Variants in PRIM2 observed in about 807,000 individuals in gnomAD.
PRIM2 encodes the protein DNA primase large subunit.
Under a neutral mutation model 67.3 loss-of-function variants are expected in PRIM2, and 39 were observed. The observed-to-expected ratio is 0.58, with a 90% CI of 0.45 to 0.76. The LOEUF is 0.76. Among genes scored for constraint, PRIM2 ranks in the 30% least tolerant of loss-of-function variants. The pLI, the probability that PRIM2 is intolerant of heterozygous loss-of-function variation, is 0.00. For synonymous variants in PRIM2, 143 were observed against 198.7 expected (o/e 0.72, Z 2.36); for missense variants, 398 against 598.7 (o/e 0.66, Z 3.50).
At chr6:57,540,287 A>G (rs1296248535) in intron 10 of PRIM2, among the ~76,000 whole-genome samples, 7 of 152,088 alleles carry the variant, frequency 4.6e-5, no homozygotes, top group Non-Finnish European at 7.4e-5. Flanking sequence ...TCACACACAC[A>G]CACAGCGAGA....
chr6:57,401,927 A>G (rs1324477689), intron 7 of PRIM2, among the ~76,000 whole-genome samples: 1 of 152,220 alleles, frequency 6.6e-6, no homozygotes, highest in Non-Finnish European at 1.5e-5. Flanking sequence ...GTCTGAGGGT[A>G]GCAAGGGCAG....
At chr6:57,407,693 CTG>C (rs1157695265) in intron 7 of PRIM2, among the ~76,000 whole-genome samples, 4 of 152,164 alleles carry the variant, frequency 2.6e-5, no homozygotes, top group African/African-American at 7.2e-5. Flanking sequence ...GAATTTGAAA[CTG>C]TGTATTTTCT....
chr6:57,603,503 C>G (rs1352324866), intron 11 of PRIM2, among the ~76,000 whole-genome samples: 45 of 151,986 alleles, frequency 3.0e-4, no homozygotes, highest in Non-Finnish European at 5.3e-4. Context: ...AGTATGCTGT[C>G]TTATTTCTGA....
the PRIM2 span, among the ~76,000 whole-genome samples, chr6:57,287,724 G>A: frequency 0.97 from 147,105 of 151,858 alleles, 71,280 homozygotes; most frequent in East Asian, 1. Context: ...CTGTATACCT[G>A]TGTAACAAAG....
chr6:57,614,178 C>T (rs1408706644), intron 12 of PRIM2, among the ~76,000 whole-genome samples: 1 of 152,172 alleles, frequency 6.6e-6, no homozygotes, highest in Non-Finnish European at 1.5e-5. Flanking sequence ...GAGCTCAAAC[C>T]TTATTGTGAA....
At chr6:57,473,462 C>A (rs1581939918) in intron 7 of PRIM2, among the ~76,000 whole-genome samples, 1 of 152,010 alleles carries the variant, frequency 6.6e-6, no homozygotes, top group East Asian at 1.9e-4. Context: ...TTAAAAAGTG[C>A]TCTGTTTTCA....
chr6:57,358,588 T>C (rs1769105314), intron 5 of PRIM2, among the ~76,000 whole-genome samples: 1 of 152,222 alleles, frequency 6.6e-6, no homozygotes, highest in Non-Finnish European at 1.5e-5. Context: ...TTCATGTGGG[T>C]TTAACAGTTA....
intron 8 of PRIM2, among the ~76,000 whole-genome samples, chr6:57,516,995 C>A (rs1422206581): frequency 2.5e-4 from 38 of 152,258 alleles, no homozygotes; most frequent in Middle Eastern, 3.4e-3. Context: ...TATCTCCAAC[C>A]AGAGATTGTA....
At chr6:57,435,096 G>A (rs1771970094) in intron 7 of PRIM2, 1 of 152,082 alleles carries the variant, frequency 6.6e-6, no homozygotes, top group Admixed American at 6.6e-5. Flanking sequence ...CCTCTACTCT[G>A]TTCTGAATAA....
chr6:57,599,829 A>G (rs1159743416), intron 10 of PRIM2, among the ~76,000 whole-genome samples: 2 of 152,170 alleles, frequency 1.3e-5, no homozygotes, highest in African/African-American at 4.8e-5. Flanking sequence ...TTTAAATTTA[A>G]TTTTTAATTT....
At chr6:57,500,104 C>A (rs1287195223) in intron 7 of PRIM2, among the ~76,000 whole-genome samples, 8 of 152,204 alleles carry the variant, frequency 5.3e-5, no homozygotes, top group African/African-American at 1.4e-4. Flanking sequence ...CATGTCCTCT[C>A]CATCTTCCCC....
chr6:57,334,591 G>T (rs1176333783), intron 5 of PRIM2, among the ~76,000 whole-genome samples: 5 of 152,144 alleles, frequency 3.3e-5, no homozygotes, highest in African/African-American at 1.2e-4. Flanking sequence ...TTGAGCCCAG[G>T]TGTTGGAGGC....
chr6:57,306,400 G>A, the PRIM2 span, among the ~76,000 whole-genome samples: 4 of 152,070 alleles, frequency 2.6e-5, no homozygotes, highest in Non-Finnish European at 4.4e-5. Flanking sequence ...GGTGACTCCC[G>A]ACCATGTCAT....
chr6:57,340,007 T>G (rs978232210), intron 5 of PRIM2, among the ~76,000 whole-genome samples: 2 of 149,442 alleles, frequency 1.3e-5, no homozygotes, highest in Non-Finnish European at 3.0e-5. Context: ...AACAAATTTA[T>G]GAGGAAAAAA....
intron 7 of PRIM2, among the ~76,000 whole-genome samples, chr6:57,444,034 T>C (rs1339223539): frequency 6.6e-6 from 1 of 152,194 alleles, no homozygotes; most frequent in African/African-American, 2.4e-5. Context: ...CCTTTTCCCA[T>C]TGTATATTTT....
rs1341220052 is a variant in PRIM2 at position 57,561,138 on chromosome 6, A to G, written c.1020+23513A>G. Among the ~76,000 whole-genome samples the G allele has an allele frequency of 5.3e-5, 8 of 152,284 alleles. No homozygotes were observed. In the South Asian group the frequency reaches 1.7e-3, roughly 32 times the overall value. On this transcript the variant is annotated intron_variant, in intron 10 of 13. Transcript: ENST00000615550. ...CTGGATAACTTGCTGCAGCTTCTCC[A>G]TCAGCTCTTGCCGCTTCACCTTGTA...
intron 8 of PRIM2, among the ~76,000 whole-genome samples, chr6:57,516,619 T>A (rs1554348296): frequency 6.6e-6 from 1 of 152,190 alleles, no homozygotes; most frequent in Non-Finnish European, 1.5e-5. Context: ...TAAACACTGC[T>A]GTAAATAGTA....
intron 5 of PRIM2, among the ~76,000 whole-genome samples, chr6:57,349,372 T>C (rs931309996): frequency 2.0e-5 from 3 of 150,898 alleles, no homozygotes; most frequent in Non-Finnish European, 4.4e-5. Flanking sequence ...TTTTTGCTGA[T>C]GGGTATGGTA....
intron 10 of PRIM2, among the ~76,000 whole-genome samples, chr6:57,592,109 G>A (rs1242918579): frequency 2.6e-5 from 4 of 152,072 alleles, no homozygotes; most frequent in Admixed American, 6.5e-5. Context: ...ATAAGTGGGA[G>A]CTAAACATTG....
Sources: allele counts gnomAD v4.1 joint callset (sites outside exome capture counted in the v4.1 genomes callset), GRCh38; gene constraint gnomAD v4.1.1; transcripts MANE v1.5; gene names NCBI Gene and HGNC (gene_info 2026-07-23, HGNC 2026-07-21).